The following NWD2 variants were observed in gnomAD, a reference collection of about 807,000 sequenced individuals.
NWD2 encodes NACHT and WD repeat domain containing 2, also known as NACHT and WD repeat domain-containing protein 2.
Under a neutral mutation model 132.7 loss-of-function variants are expected in NWD2, and 37 were observed. The ratio of observed to expected loss-of-function variants is 0.28; its 90% confidence interval spans 0.21 to 0.37. The LOEUF (loss-of-function observed/expected upper bound fraction) is 0.37, where lower values mean the gene tolerates loss of function less well. NWD2 is among the 10% of genes least tolerant of loss of function. The pLI is 1.00. For synonymous variants in NWD2, 705 were observed against 803.0 expected, an observed-to-expected ratio of 0.88 and a Z score of 2.06; for missense variants, 1,592 against 2,122.4, an observed-to-expected ratio of 0.75 and a Z score of 4.91.
At chr4:37,246,924 A>C (rs1717255193) in intron 1 of NWD2, among the ~76,000 whole-genome samples, 1 of 152,230 alleles carries the variant, frequency 6.6e-6, no homozygotes, top group African/African-American at 2.4e-5. Flanking sequence ...CTATCAGCTT[A>C]ATATTGAGTT....
intron 3 of NWD2, among the ~76,000 whole-genome samples, chr4:37,397,730 T>C (rs1294096900): frequency 6.6e-6 from 1 of 152,156 alleles, no homozygotes; most frequent in African/African-American, 2.4e-5. Flanking sequence ...GAAGGAAATT[T>C]CTCGCCAGTA....
chr4:37,403,566 G>C lies in NWD2; in HGVS notation c.358-27006G>C, dbSNP rs183292369. Among the ~76,000 whole-genome samples, 324 of 152,214 alleles carry C rather than the reference G, an allele frequency of 2.1e-3. 1 individual carries two copies. The highest frequency in any genetic ancestry group is 6.5e-3 in the African/African-American group (268 of 41,532). On this transcript the variant is annotated intron_variant, in intron 3 of 6. Transcript: ENST00000309447. ...GGTTCCTGACAAAAAGATGAGTTTT[G>C]CCTGCATTTTTCTTTCTCTCATTCT...
intron 1 of NWD2, among the ~76,000 whole-genome samples, chr4:37,293,579 TTTAA>T (rs1251564166): frequency 6.6e-6 from 1 of 152,210 alleles, no homozygotes; most frequent in Non-Finnish European, 1.5e-5. Context: ...GCCAAAATAG[TTTAA>T]TTAACTTTTT....
At chr4:37,426,972 T>C (rs1381039551) in intron 3 of NWD2, among the ~76,000 whole-genome samples, 1 of 152,050 alleles carries the variant, frequency 6.6e-6, no homozygotes, top group East Asian at 1.9e-4. Context: ...ATCTTGTTTC[T>C]GTTCTCTCTC....
intron 1 of NWD2, among the ~76,000 whole-genome samples, chr4:37,297,554 T>G (rs1356524015): frequency 6.6e-6 from 1 of 152,170 alleles, no homozygotes; most frequent in Non-Finnish European, 1.5e-5. Context: ...TGAACAGGAA[T>G]TCAGTATTAC....
Position 37,447,481 on chromosome 4 carries a change from T to C in NWD2, c.*264T>C. Reference sequence around the variant, plus strand: ...AAGGCAGAGGCTAAAAGTTTTTAAATTAGCTGTGTGGTGAGGCAGCATAAT... The same window carrying C: ...AAGGCAGAGGCTAAAAGTTTTTAAACTAGCTGTGTGGTGAGGCAGCATAAT... On this transcript the variant is annotated 3_prime_UTR_variant, in exon 7 of 7. Coordinates refer to ENST00000309447, the MANE Select transcript of NWD2 (RefSeq NM_001144990.2). The C allele has an allele frequency of 2.1e-6, 1 of 471,760 alleles. No homozygotes were observed. Among genetic ancestry groups the C allele is most frequent in the Non-Finnish European group, 3.8e-6 (1 of 261,284 alleles). 29.2% of individuals were successfully genotyped at this position (471,760 alleles called of 1,614,324 possible).
chr4:37,328,697 A>G (rs1363587333), intron 2 of NWD2, among the ~76,000 whole-genome samples: 1 of 152,170 alleles, frequency 6.6e-6, no homozygotes, highest in Non-Finnish European at 1.5e-5. Context: ...TAGTGCTGCA[A>G]CAAACATACA....
intron 5 of NWD2, among the ~76,000 whole-genome samples, chr4:37,434,935 T>A (rs189345837): frequency 6.6e-6 from 1 of 152,126 alleles, no homozygotes; most frequent in Admixed American, 6.5e-5. Context: ...TAATTTAGCA[T>A]TAAAATAAAA....
At chr4:37,306,884 C>T (rs1412245388) in intron 1 of NWD2, among the ~76,000 whole-genome samples, 3 of 151,952 alleles carry the variant, frequency 2.0e-5, no homozygotes, top group African/African-American at 7.3e-5. Context: ...ATTAGCCAGG[C>T]GTGGTGGCAC....
chr4:37,378,920 A>G (rs1341006068), intron 3 of NWD2, among the ~76,000 whole-genome samples: 2 of 152,232 alleles, frequency 1.3e-5, no homozygotes, highest in Non-Finnish European at 1.5e-5. Context: ...AGTAGAAACT[A>G]TAAAACTAAT....
rs1577704980 is a variant in NWD2 at position 37,444,967 on chromosome 4, C to A, written c.2979C>A (p.Thr993=). Reference sequence around the variant, plus strand: ...CTTTAGAAAATGGTTCCATCAGCACCTGGGATGTAGAGACTCGACAGCTAC... The same window carrying A: ...CTTTAGAAAATGGTTCCATCAGCACATGGGATGTAGAGACTCGACAGCTAC... ...LTALENGSIS[T]WDVETRQLLR... is the part of the protein sequence containing the mutation. Residue 993 remains threonine (T), a synonymous_variant, in exon 7 of 7, where the codon ACC becomes ACA. Transcript: ENST00000309447. This position sits in a 1 kb window ranked among gnomAD's most constrained non-coding sequence, Gnocchi z 4.8. 1 of 1,552,080 alleles carries A rather than the reference C, an allele frequency of 6.4e-7. No homozygotes were observed. The highest frequency in any genetic ancestry group is 8.7e-7 in the Non-Finnish European group (1 of 1,147,084).
At chr4:37,316,647 G>T (rs12646340) in intron 1 of NWD2, among the ~76,000 whole-genome samples, 24,522 of 151,892 alleles carry the variant, frequency 0.16, 2,381 homozygotes, top group South Asian at 0.33. Context: ...GTGTCTTGGG[G>T]CTTGGTTCAT....
chr4:37,433,991 A>T lies in NWD2; in HGVS notation c.677A>T (p.His226Leu). The T allele has an allele frequency of 6.5e-7, 1 of 1,550,234 alleles. No individual in the cohort carries two copies. The highest frequency in any genetic ancestry group is 2.4e-5 in the East Asian group (1 of 40,888). ...KLLHEKGKMK[H>L]SQAKRYLFSA... ...TTACACGAAAAGGGTAAAATGAAACACAGCCAGGCTAAGAGGTACCTGTTC... is the reference window on the plus strand; with the variant it reads ...TTACACGAAAAGGGTAAAATGAAACTCAGCCAGGCTAAGAGGTACCTGTTC... Residue 226 changes from histidine (H) to leucine (L), a missense_variant, in exon 5 of 7, where the codon CAC becomes CTC. Coordinates refer to ENST00000309447, the MANE Select transcript of NWD2 (RefSeq NM_001144990.2).
At chr4:37,286,686 T>C (rs1489383570) in intron 1 of NWD2, among the ~76,000 whole-genome samples, 1 of 152,122 alleles carries the variant, frequency 6.6e-6, no homozygotes, top group Non-Finnish European at 1.5e-5. Flanking sequence ...TCCTCATGTG[T>C]AAAATAGAGA....
At chr4:37,315,620 T>C (rs975160565) in intron 1 of NWD2, among the ~76,000 whole-genome samples, 8 of 152,220 alleles carry the variant, frequency 5.3e-5, no homozygotes, top group East Asian at 1.9e-4. Flanking sequence ...TAGTTGGATA[T>C]TGTTTTGTTA....
At chr4:37,373,339 CT>C (rs1206620239) in intron 3 of NWD2, among the ~76,000 whole-genome samples, 2 of 152,214 alleles carry the variant, frequency 1.3e-5, no homozygotes, top group African/African-American at 4.8e-5. Context: ...ATTACCCACC[CT>C]TTGCCTAAAT....
At chr4:37,336,654 A>C (rs962515252) in intron 2 of NWD2, among the ~76,000 whole-genome samples, 3 of 152,186 alleles carry the variant, frequency 2.0e-5, no homozygotes, top group African/African-American at 7.2e-5. Context: ...AAAGAAAATA[A>C]ATTTGGCTGG....
intron 1 of NWD2, among the ~76,000 whole-genome samples, chr4:37,252,021 C>G (rs1717374131): frequency 6.6e-6 from 1 of 152,066 alleles, no homozygotes; most frequent in South Asian, 2.1e-4. Flanking sequence ...AAAGGAGCAC[C>G]AAGGAGGGTT....
intron 3 of NWD2, among the ~76,000 whole-genome samples, chr4:37,429,518 GTTGGACAGGCTGGTC>G (rs1712112245): frequency 6.6e-6 from 1 of 152,046 alleles, no homozygotes; most frequent in Admixed American, 6.6e-5. Flanking sequence ...GTTTCATCAT[GTTGGACAGGCTGGTC>G]TTGAGCTCCT....
Sources: allele counts gnomAD v4.1 joint callset (sites outside exome capture counted in the v4.1 genomes callset), GRCh38; gene constraint gnomAD v4.1.1; non-coding constraint Gnocchi (gnomAD v3.1); transcripts MANE v1.5; gene names NCBI Gene and HGNC (gene_info 2026-07-23, HGNC 2026-07-21).